DHX40: variants seen among roughly 807,000 people sequenced by gnomAD.
DHX40 encodes probable ATP-dependent RNA helicase DHX40.
In DHX40, 28 loss-of-function variants were observed where a neutral mutation model predicts 89.6. The observed-to-expected ratio is 0.31, with a 90% CI of 0.23 to 0.43. The LOEUF is 0.43. DHX40 is among the 20% of genes least tolerant of loss of function. The pLI is 1.00. For missense variants in DHX40, 457 were observed against 844.0 expected, an observed-to-expected ratio of 0.54 and a Z score of 5.68; for synonymous variants, 226 against 283.6, an observed-to-expected ratio of 0.80 and a Z score of 2.04.
At chr17:59,581,707 C>T (rs1181123371) in intron 10 of DHX40, among the ~76,000 whole-genome samples, 8 of 77,286 alleles carry the variant, frequency 1.0e-4, no homozygotes, top group Admixed American at 1.5e-4. Flanking sequence ...TGCAGTGAGC[C>T]GAGATTGCGC....
At chr17:59,590,471 T>G (rs1016939821) in intron 12 of DHX40, among the ~76,000 whole-genome samples, 1 of 151,416 alleles carries the variant, frequency 6.6e-6, no homozygotes. Flanking sequence ...ATTTAAAAAA[T>G]TTTTAAATTT....
At chr17:59,582,405 C>T (rs2048956828) in intron 10 of DHX40, among the ~76,000 whole-genome samples, 1 of 123,074 alleles carries the variant, frequency 8.1e-6, no homozygotes, top group Non-Finnish European at 1.6e-5. Context: ...AATGGATCTT[C>T]TCAATTATTA....
intron 3 of DHX40, among the ~76,000 whole-genome samples, chr17:59,572,588 A>T (rs763547667): frequency 6.6e-6 from 1 of 152,162 alleles, no homozygotes; most frequent in Admixed American, 6.5e-5. Flanking sequence ...TATGTTGTCC[A>T]GGCTGGTCTC....
Position 59,565,625 on chromosome 17 carries a change from T to A in DHX40, c.-47T>A, listed in dbSNP as rs1210896518. On this transcript the variant is annotated 5_prime_UTR_variant, in exon 1 of 18. Transcript: ENST00000251241. ...GCGCGTCCTCGTCTTTCCCCTCCCA[T>A]CTCCTCAGATCGGTGGACGTGCTCG... 1 of 1,539,474 alleles carries A rather than the reference T, an allele frequency of 6.5e-7. No individual in the cohort carries two copies. The highest frequency in any genetic ancestry group is 1.2e-5 in the South Asian group (1 of 86,646).
At chr17:59,567,307 C>T (rs889933419) in intron 2 of DHX40, among the ~76,000 whole-genome samples, 5 of 152,088 alleles carry the variant, frequency 3.3e-5, no homozygotes, top group Non-Finnish European at 7.3e-5. Flanking sequence ...ACAGACCAAA[C>T]CAAAATGGAG....
At chr17:59,588,093 A>G (rs2143290842) in intron 12 of DHX40, 40 bp downstream of exon 12, 1 of 1,607,624 alleles carries the variant, frequency 6.2e-7, no homozygotes, top group Non-Finnish European at 8.5e-7. Flanking sequence ...TAAAACTAAT[A>G]GACTTGGCTG....
At chr17:59,605,847 C>T (rs761488480) in intron 17 of DHX40, 173 bp downstream of exon 17, 9 of 698,284 alleles carry the variant, frequency 1.3e-5, no homozygotes, top group South Asian at 9.1e-5. Context: ...CACCTGTAGT[C>T]CCAGTGACTT....
At chr17:59,568,065 A>G (rs1198327785) in intron 2 of DHX40, among the ~76,000 whole-genome samples, 1 of 151,792 alleles carries the variant, frequency 6.6e-6, no homozygotes, top group African/African-American at 2.4e-5. Flanking sequence ...AAACCCGTCT[A>G]TACTAAAAAT....
chr17:59,573,639 T>C, intron 4 of DHX40, 101 bp from the exon 5 acceptor site: 3 of 1,256,952 alleles, frequency 2.4e-6, no homozygotes, highest in Non-Finnish European at 3.3e-6. Context: ...TATATTTTAA[T>C]GTATTAAAAT....
chr17:59,567,242 T>TAA (rs754666578), intron 2 of DHX40, among the ~76,000 whole-genome samples: 6 of 152,198 alleles, frequency 3.9e-5, no homozygotes, highest in Non-Finnish European at 8.8e-5. Context: ...TAAAATACGT[T>TAA]AAGTAAAGTT....
chr17:59,571,365 G>A (rs1215446076), intron 3 of DHX40, among the ~76,000 whole-genome samples: 5 of 151,376 alleles, frequency 3.3e-5, no homozygotes, highest in African/African-American at 1.2e-4. Flanking sequence ...GCTGAGGCAG[G>A]AAAATGGCTT....
At chr17:59,569,993 G>A (rs1488787280) in intron 2 of DHX40, among the ~76,000 whole-genome samples, 3 of 142,508 alleles carry the variant, frequency 2.1e-5, no homozygotes, top group South Asian at 2.1e-4. Context: ...GCGGTGAGCC[G>A]AGATTGCGCC....
At chr17:59,574,443 T>TATATATTTATGTCAAAGAC (rs2048852333) in intron 6 of DHX40, among the ~76,000 whole-genome samples, 189 bp downstream of exon 6, 1 of 151,230 alleles carries the variant, frequency 6.6e-6, no homozygotes, top group Admixed American at 6.6e-5. Flanking sequence ...AAGAGGATTA[T>TATATATTTATGTCAAAGAC]ATATATTTAT....
intron 12 of DHX40, among the ~76,000 whole-genome samples, chr17:59,598,508 A>G (rs185745898): frequency 3.1e-4 from 47 of 152,252 alleles, no homozygotes; most frequent in African/African-American, 1.0e-3. Context: ...AGGCAAATAG[A>G]TTGGGAGAAG....
chr17:59,565,613 T>A lies in DHX40; in HGVS notation c.-59T>A. 6.7e-7 allele frequency: 1 copy of A among 1,497,692 alleles called. No homozygotes were observed. Among genetic ancestry groups the A allele is most frequent in the Non-Finnish European group, 9.0e-7 (1 of 1,108,332 alleles). The allele number at this position is 1,497,692 out of a possible 1,614,324, so 92.8% of individuals were successfully genotyped here. On this transcript the variant is annotated 5_prime_UTR_variant, in exon 1 of 18. Transcript: ENST00000251241. ...TACGTCATCAGGGCGCGTCCTCGTCTTTCCCCTCCCATCTCCTCAGATCGG... is the reference window on the plus strand; with the variant it reads ...TACGTCATCAGGGCGCGTCCTCGTCATTCCCCTCCCATCTCCTCAGATCGG...
intron 4 of DHX40, 149 bp from the exon 5 acceptor site, chr17:59,573,591 G>A: frequency 1.1e-6 from 1 of 933,046 alleles, no homozygotes; most frequent in South Asian, 1.8e-5. Context: ...CCAAAGTGCT[G>A]GGATTACAGG....
At position 59,607,100 on chromosome 17, in the gene DHX40, A is replaced by G. The variant is rs773005998; in HGVS notation, c.2268A>G (p.Ala756=). The G allele has an allele frequency of 5.6e-6, 9 of 1,614,226 alleles. No individual in the cohort carries two copies. Among genetic ancestry groups the G allele is most frequent in the South Asian group, 1.1e-5 (1 of 91,080 alleles). Residue 756 remains alanine (A), a synonymous_variant, in exon 18 of 18, where the codon GCA becomes GCG. Transcript: ENST00000251241. ...RRNDDKSISD[A]RARFLERKQQ... Reference sequence around the variant, plus strand: ...ATGATGACAAATCCATATCTGATGCACGGGCTCGTTTCCTTGAGAGAAAGC... The same window carrying G: ...ATGATGACAAATCCATATCTGATGCGCGGGCTCGTTTCCTTGAGAGAAAGC...
Position 59,573,946 on chromosome 17 carries a change from A to C in DHX40, c.753A>C (p.Glu251Asp), listed in dbSNP as rs1275446854. 6 of 1,552,034 alleles carry C rather than the reference A, an allele frequency of 3.9e-6. No individual in the cohort carries two copies. Among genetic ancestry groups the C allele is most frequent in the Non-Finnish European group, 5.3e-6 (6 of 1,134,982 alleles). Reference sequence around the variant, plus strand: ...ATTTGATTGGTCCACGAGACAGAGAAAATACTGCGTATATTCAAGCGGTAT... The same window carrying C: ...ATTTGATTGGTCCACGAGACAGAGACAATACTGCGTATATTCAAGCGGTAT... ...FCNLIGPRDR[E>D]NTAYIQAIVK... Residue 251 changes from glutamate (E) to aspartate (D), a missense_variant, in exon 5 of 18, where the codon GAA (glutamate) becomes GAC (aspartate). By Grantham distance (45) the Glu-to-Asp change is conservative. This residue lies in a region of DHX40 where 116 missense variants were observed against 188.9 expected (regional missense o/e 0.61). Transcript: ENST00000251241.
intron 15 of DHX40, chr17:59,604,466 G>A (rs2030722153): frequency 4.6e-5 from 7 of 152,270 alleles, no homozygotes. Context: ...GTACAGATAT[G>A]TAAGTGAATA....
Sources: allele counts gnomAD v4.1 joint callset (sites outside exome capture counted in the v4.1 genomes callset), GRCh38; gene constraint gnomAD v4.1.1; regional missense constraint gnomAD v4.1.1; transcripts MANE v1.5; gene names NCBI Gene and HGNC (gene_info 2026-07-23, HGNC 2026-07-21).